Variants in CDH4 observed in about 807,000 individuals in gnomAD.
CDH4 encodes cadherin 4.
In CDH4, 33 loss-of-function variants were observed where a neutral mutation model predicts 86.0. The observed-to-expected ratio is 0.38, with a 90% CI of 0.29 to 0.51. CDH4 has a LOEUF of 0.51. CDH4 is among the 20% of genes least tolerant of loss of function. CDH4 has a pLI of 0.86. For synonymous variants in CDH4, 555 were observed against 549.4 expected, an observed-to-expected ratio of 1.01 and a Z score of -0.14; for missense variants, 1,114 against 1,307.4, an observed-to-expected ratio of 0.85 and a Z score of 2.28.
chr20:61,710,967 C>G (rs1400754115), intron 2 of CDH4, among the ~76,000 whole-genome samples: 1 of 152,180 alleles, frequency 6.6e-6, no homozygotes, highest in African/African-American at 2.4e-5. Context: ...TACGACCTTA[C>G]AGTTCTCAAG....
At chr20:61,383,761 ATG>A (rs949025021) in intron 2 of CDH4, among the ~76,000 whole-genome samples, 1 of 73,812 alleles carries the variant, frequency 1.4e-5, no homozygotes, top group Non-Finnish European at 2.5e-5. Context: ...ATGCATATAT[ATG>A]AAGATATATA....
intron 11 of CDH4, among the ~76,000 whole-genome samples, chr20:61,925,429 AG>A (rs2055034721): frequency 6.6e-6 from 1 of 152,056 alleles, no homozygotes; most frequent in Non-Finnish European, 1.5e-5. Flanking sequence ...AAGTCGGGGG[AG>A]TCTTAGTACC....
intron 2 of CDH4, among the ~76,000 whole-genome samples, chr20:61,368,242 C>A: frequency 6.6e-6 from 1 of 152,190 alleles, no homozygotes. Context: ...CACGTACCTC[C>A]TTGCTGTGCT....
intron 2 of CDH4, among the ~76,000 whole-genome samples, chr20:61,665,518 C>T (rs964475938): frequency 1.3e-5 from 2 of 152,218 alleles, no homozygotes; most frequent in Non-Finnish European, 2.9e-5. Context: ...TCCCTGGGTT[C>T]TCCCTTTTCG....
At chr20:61,835,027 G>A (rs12479623) in intron 4 of CDH4, among the ~76,000 whole-genome samples, 1 of 152,210 alleles carries the variant, frequency 6.6e-6, no homozygotes, top group Non-Finnish European at 1.5e-5. Context: ...TCCAGTGGGC[G>A]AGACAGAAAG....
At chr20:61,641,468 G>A (rs192719591) in intron 2 of CDH4, among the ~76,000 whole-genome samples, 29 of 151,906 alleles carry the variant, frequency 1.9e-4, no homozygotes, top group African/African-American at 6.3e-4. Context: ...GAGCCCTCAA[G>A]GAATCATCAG....
At chr20:61,463,788 G>A (rs546883943) in intron 2 of CDH4, among the ~76,000 whole-genome samples, 3 of 152,340 alleles carry the variant, frequency 2.0e-5, no homozygotes, top group South Asian at 2.1e-4. Context: ...ACAAAAGGCG[G>A]GAGGGATATT....
intron 2 of CDH4, among the ~76,000 whole-genome samples, chr20:61,637,375 C>A (rs1365785832): frequency 6.6e-6 from 1 of 152,118 alleles, no homozygotes; most frequent in Non-Finnish European, 1.5e-5. Flanking sequence ...GTGCTCAGTG[C>A]CCACCCTGGA....
At chr20:61,364,480 G>A (rs958876663) in intron 2 of CDH4, among the ~76,000 whole-genome samples, 2 of 152,208 alleles carry the variant, frequency 1.3e-5, no homozygotes, top group African/African-American at 4.8e-5. Flanking sequence ...TGCTTCTGCA[G>A]ATGGAGATCA....
intron 2 of CDH4, among the ~76,000 whole-genome samples, chr20:61,287,476 A>G (rs1336849813): frequency 6.6e-6 from 1 of 152,102 alleles, no homozygotes; most frequent in African/African-American, 2.4e-5. Context: ...CCCTGTCTCA[A>G]GAAGAAGAAA....
Position 61,709,166 on chromosome 20 carries a change from C to T in CDH4, c.170-34397C>T, listed in dbSNP as rs973938103. 2.0e-5 allele frequency among the ~76,000 whole-genome samples: 3 copies of T among 152,266 alleles called. No individual in the cohort carries two copies. The highest frequency in any genetic ancestry group is 7.2e-5 in the African/African-American group (3 of 41,478). On this transcript the variant is annotated intron_variant, in intron 2 of 15. Coordinates refer to ENST00000614565, the MANE Select transcript of CDH4 (RefSeq NM_001794.5). The surrounding 1 kb of genome is among the most constrained non-coding windows in gnomAD (Gnocchi z 4.8). ...GAGCCCACAACGCACCTGCCCCTCT[C>T]TCCAGGGGAGTGCAAGCAAATGCAG...
chr20:61,610,490 G>A (rs1194414529), intron 2 of CDH4, among the ~76,000 whole-genome samples: 1 of 152,174 alleles, frequency 6.6e-6, no homozygotes, highest in African/African-American at 2.4e-5. Flanking sequence ...CGAGACACCT[G>A]CTTTCCTTCC....
rs2086058755 is a variant in CDH4, at chr20:61,544,039, C to T, written c.170-199524C>T. 1.3e-5 allele frequency among the ~76,000 whole-genome samples: 2 copies of T among 152,152 alleles called. No homozygotes were observed. Among genetic ancestry groups the T allele is most frequent in the South Asian group, 4.1e-4 (2 of 4,828 alleles). ...TGAGGTCCCTGGAGGCTGCCCCACA[C>T]CCCCGGCCCCACACCTGGCTCTTGG... On this transcript the variant is annotated intron_variant, in intron 2 of 15. Coordinates refer to ENST00000614565, the MANE Select transcript of CDH4 (RefSeq NM_001794.5). This position sits in a 1 kb window ranked among gnomAD's most constrained non-coding sequence, Gnocchi z 6.5.
rs1321954797 is a variant in CDH4 at position 61,811,575 on chromosome 20, T to G, written c.577-33093T>G. Among the ~76,000 whole-genome samples, 1 of 151,910 alleles carries G rather than the reference T, an allele frequency of 6.6e-6. No homozygotes were observed. Among genetic ancestry groups the G allele is most frequent in the Non-Finnish European group, 1.5e-5 (1 of 67,984 alleles). The stretch of plus-strand genomic sequence containing the variant: ...TCCCAGGGCTCCCTGGCCTTGCCAG[T>G]GCTACTGTGTGAAAGCGGAGCCCAC... On this transcript the variant is annotated intron_variant, in intron 4 of 15. Transcript: ENST00000614565. The surrounding 1 kb of genome is among the most constrained non-coding windows in gnomAD (Gnocchi z 4.4).
chr20:61,495,634 G>A (rs1295574957), intron 2 of CDH4, among the ~76,000 whole-genome samples: 1 of 152,144 alleles, frequency 6.6e-6, no homozygotes, highest in Non-Finnish European at 1.5e-5. Context: ...CGGGCACTGT[G>A]GCTCATGCCT....
chr20:61,729,326 C>T (rs2088151042), intron 2 of CDH4, among the ~76,000 whole-genome samples: 1 of 152,212 alleles, frequency 6.6e-6, no homozygotes, highest in Admixed American at 6.5e-5. Context: ...GAGGCGCTCA[C>T]AGCTCAGTTT....
At chr20:61,288,995 G>A (rs990934147) in intron 2 of CDH4, among the ~76,000 whole-genome samples, 11 of 152,122 alleles carry the variant, frequency 7.2e-5, no homozygotes, top group African/African-American at 2.7e-4. Context: ...TTTTAAGCTA[G>A]GAATTCCTTC....
At chr20:61,426,005 T>A (rs547315236) in intron 2 of CDH4, among the ~76,000 whole-genome samples, 1 of 152,368 alleles carries the variant, frequency 6.6e-6, no homozygotes, top group East Asian at 1.9e-4. Flanking sequence ...GCAGTTCACA[T>A]GCAACAAATA....
intron 2 of CDH4, among the ~76,000 whole-genome samples, chr20:61,444,603 A>T (rs1234935072): frequency 2.3e-5 from 2 of 87,998 alleles, no homozygotes; most frequent in Admixed American, 2.6e-4. Context: ...GTGTATATGT[A>T]TGTGTGTTTC....
Sources: gnomAD v4.1 joint callset for allele counts (sites outside exome capture counted in the v4.1 genomes callset) on GRCh38, gnomAD v4.1.1 for gene constraint, Gnocchi (gnomAD v3.1) non-coding constraint, MANE v1.5 for transcripts, NCBI Gene and HGNC (gene_info 2026-07-23, HGNC 2026-07-21) for gene names.